GALNTL6: variants seen among roughly 807,000 people sequenced by gnomAD.
GALNTL6 encodes the protein polypeptide N-acetylgalactosaminyltransferase like 6, also known as polypeptide N-acetylgalactosaminyltransferase-like 6.
Under a neutral mutation model 73.7 loss-of-function variants are expected in GALNTL6, and 46 were observed. The ratio of observed to expected loss-of-function variants is 0.62; its 90% CI spans 0.49 to 0.80. The LOEUF (loss-of-function observed/expected upper bound fraction) is 0.80. Ranked by LOEUF, GALNTL6 falls within the 30% of genes least tolerant of loss-of-function variation. The probability of loss-of-function intolerance (pLI) is 0.00; values close to 1 mark genes in which losing one functional copy is unlikely to be tolerated. For synonymous variants in GALNTL6, 259 were observed against 263.7 expected, an observed-to-expected ratio of 0.98 and a Z score of 0.17; for missense variants, 604 against 755.0, an observed-to-expected ratio of 0.80 and a Z score of 2.34.
chr4:173,016,084 T>G (rs938350838), intron 11 of GALNTL6, among the ~76,000 whole-genome samples: 1 of 152,330 alleles, frequency 6.6e-6, no homozygotes, highest in African/African-American at 2.4e-5. Flanking sequence ...GGCCTGCAGG[T>G]GCACAGAAGT....
intron 2 of GALNTL6, among the ~76,000 whole-genome samples, chr4:172,028,100 G>A (rs906908785): frequency 3.3e-5 from 5 of 152,174 alleles, no homozygotes; most frequent in Admixed American, 2.0e-4. Context: ...GATTGTATTG[G>A]AAGAAGTGGC....
At chr4:172,359,292 A>G (rs1742282620) in intron 5 of GALNTL6, among the ~76,000 whole-genome samples, 1 of 152,194 alleles carries the variant, frequency 6.6e-6, no homozygotes, top group Non-Finnish European at 1.5e-5. Context: ...TAGAAACCAA[A>G]TATCACACCT....
At chr4:172,238,102 C>T (rs77517299) in intron 3 of GALNTL6, among the ~76,000 whole-genome samples, 2 of 151,846 alleles carry the variant, frequency 1.3e-5, no homozygotes, top group African/African-American at 4.8e-5. Context: ...TTTAAAATAG[C>T]TTTTTTTAGT....
At chr4:172,760,222 C>G (rs1738001270) in intron 5 of GALNTL6, among the ~76,000 whole-genome samples, 1 of 152,112 alleles carries the variant, frequency 6.6e-6, no homozygotes, top group South Asian at 2.1e-4. Context: ...TAGGCTGAAC[C>G]CGATTACTTT....
chr4:171,967,447 G>GTTTTTTTTTGTTTGT (rs1560863069), intron 2 of GALNTL6, among the ~76,000 whole-genome samples: 2 of 14,328 alleles, frequency 1.4e-4, no homozygotes, highest in East Asian at 2.2e-3. Flanking sequence ...CCCCCTATGG[G>GTTTTTTTTTGTTTGT]TTTTTTTTTT....
At chr4:172,556,452 C>G (rs1310080933) in intron 5 of GALNTL6, among the ~76,000 whole-genome samples, 1 of 139,946 alleles carries the variant, frequency 7.1e-6, no homozygotes, top group African/African-American at 3.3e-5. Context: ...AATAAATAAA[C>G]AAACAAGACA....
chr4:172,570,394 G>A lies in GALNTL6; in HGVS notation c.553+221705G>A, dbSNP rs150103679. 6.8e-3 allele frequency among the ~76,000 whole-genome samples: 1,029 copies of A among 152,272 alleles called. 18 individuals carry two copies. Among genetic ancestry groups the A allele is most frequent in the African/African-American group, 0.023 (971 of 41,546 alleles). ...CCTAATACAAGTGGATGCTGTTACA[G>A]TTTGGATTGTGTTCCTCAAAATGCA... On this transcript the variant is annotated intron_variant, in intron 5 of 12. Transcript: ENST00000506823.
chr4:172,514,295 C>T (rs1221093428), intron 5 of GALNTL6, among the ~76,000 whole-genome samples: 2 of 152,048 alleles, frequency 1.3e-5, no homozygotes, highest in African/African-American at 4.8e-5. Context: ...GTTCTCAGGC[C>T]TATGGAGTTA....
At chr4:171,962,010 A>G (rs572046484) in intron 2 of GALNTL6, among the ~76,000 whole-genome samples, 2 of 152,330 alleles carry the variant, frequency 1.3e-5, no homozygotes, top group East Asian at 3.9e-4. Flanking sequence ...TTAATCTTCC[A>G]TATATAACCT....
intron 5 of GALNTL6, 38 bp downstream of exon 5, chr4:172,348,727 AC>A (rs776636757): frequency 8.7e-6 from 12 of 1,385,152 alleles, no homozygotes; most frequent in Non-Finnish European, 1.1e-5. Flanking sequence ...TGATTCTGCT[AC>A]CATTCACATA....
At chr4:172,386,179 A>G (rs1004029750) in intron 5 of GALNTL6, among the ~76,000 whole-genome samples, 1 of 152,174 alleles carries the variant, frequency 6.6e-6, no homozygotes, top group African/African-American at 2.4e-5. Context: ...ACAAAAATAC[A>G]TTAATAATAA....
rs538136547 is a variant in GALNTL6 at position 172,796,384 on chromosome 4, A to G, written c.554-12977A>G. ...CCTTCATTTTCCTCATTTGTAAGTA[A>G]GAATAATTTTCATCATCTATAAAAT... On this transcript the variant is annotated intron_variant, in intron 5 of 12. Transcript: ENST00000506823. Among the ~76,000 whole-genome samples the G allele has an allele frequency of 3.3e-5, 5 of 152,332 alleles. No individual in the cohort carries two copies. In the South Asian group the frequency reaches 1.0e-3, roughly 32 times the overall value.
chr4:172,309,379 A>G (rs924888674), intron 3 of GALNTL6, among the ~76,000 whole-genome samples: 5 of 151,138 alleles, frequency 3.3e-5, no homozygotes, highest in Non-Finnish European at 5.9e-5. Flanking sequence ...CAAGGTTACT[A>G]AAGTGAAAAA....
chr4:172,555,360 C>G (rs1355428413), intron 5 of GALNTL6, among the ~76,000 whole-genome samples: 4 of 152,024 alleles, frequency 2.6e-5, no homozygotes, highest in Non-Finnish European at 5.9e-5. Flanking sequence ...CTAGCATGTG[C>G]CATGAATTAC....
At chr4:172,380,687 T>C (rs1743251106) in intron 5 of GALNTL6, among the ~76,000 whole-genome samples, 1 of 152,230 alleles carries the variant, frequency 6.6e-6, no homozygotes. Context: ...GCTTTAAAAA[T>C]GTAATTGAAA....
At chr4:172,484,560 T>C (rs1733606434) in intron 5 of GALNTL6, among the ~76,000 whole-genome samples, 1 of 152,182 alleles carries the variant, frequency 6.6e-6, no homozygotes, top group South Asian at 2.1e-4. Flanking sequence ...TTTTCTGGAT[T>C]GCTGAATAAT....
intron 2 of GALNTL6, among the ~76,000 whole-genome samples, chr4:172,128,910 G>T (rs1333593017): frequency 4.6e-5 from 7 of 152,126 alleles, no homozygotes; most frequent in African/African-American, 1.2e-4. Context: ...TTATGTTATG[G>T]CTCTGAGCTC....
chr4:172,357,949 C>CT (rs1384817375), intron 5 of GALNTL6, among the ~76,000 whole-genome samples: 4 of 152,016 alleles, frequency 2.6e-5, no homozygotes, highest in Admixed American at 1.3e-4. Flanking sequence ...TTAAGCAATT[C>CT]TTTTTTTGAT....
At chr4:172,592,994 A>G (rs1048891547) in intron 5 of GALNTL6, among the ~76,000 whole-genome samples, 2 of 152,078 alleles carry the variant, frequency 1.3e-5, no homozygotes, top group African/African-American at 4.8e-5. Flanking sequence ...GTCTAATTCA[A>G]TTCTAATTAA....
Sources: allele counts gnomAD v4.1 joint callset (sites outside exome capture counted in the v4.1 genomes callset), GRCh38; gene constraint gnomAD v4.1.1; transcripts MANE v1.5; gene names NCBI Gene and HGNC (gene_info 2026-07-23, HGNC 2026-07-21).